Variants in TIAM2 observed in about 807,000 individuals in gnomAD.
The protein encoded by TIAM2 is rho guanine nucleotide exchange factor TIAM2.
A neutral mutation model predicts 152.9 loss-of-function variants in TIAM2; 80 were observed. That is an observed-to-expected ratio of 0.52 (90% CI 0.44 to 0.63). The LOEUF (loss-of-function observed/expected upper bound fraction) is 0.63. Among genes scored for constraint, TIAM2 ranks in the 30% least tolerant of loss-of-function variants. The pLI is 0.00. For synonymous variants in TIAM2, 804 were observed against 838.0 expected, an observed-to-expected ratio of 0.96 and a Z score of 0.70; for missense variants, 1,965 against 2,120.1, an observed-to-expected ratio of 0.93 and a Z score of 1.44.
rs758063403 is a variant in TIAM2, at chr6:155,182,335, G to A, written c.2800+17G>A. ...ATGGGGAAGGTCCGTGTGGCACACC[G>A]TGCCCCTGTTGCCTCTTAATTTGAA... On this transcript the variant is annotated intron_variant, in intron 13 of 26. Transcript: ENST00000682666. 4.8e-5 allele frequency: 77 copies of A among 1,603,958 alleles called. No homozygotes were observed. Among genetic ancestry groups the A allele is most frequent in the Non-Finnish European group, 6.1e-5 (71 of 1,171,184 alleles).
chr6:155,004,964 C>T, intron 1 of TIAM2: 1 of 298,866 alleles, frequency 3.3e-6, no homozygotes, highest in East Asian at 1.0e-4. Flanking sequence ...CTCTCAGCTT[C>T]CCAGGCAGGC....
At chr6:155,018,324 T>C (rs568162848) in intron 1 of TIAM2, among the ~76,000 whole-genome samples, 142 of 152,208 alleles carry the variant, frequency 9.3e-4, no homozygotes, top group African/African-American at 3.3e-3. Flanking sequence ...CTTATTTTTT[T>C]CAATATGGTC....
intron 1 of TIAM2, among the ~76,000 whole-genome samples, chr6:155,057,017 CTTTTTTTTTTTTTT>C (rs71023612): frequency 1.0e-3 from 46 of 43,872 alleles, no homozygotes; most frequent in African/African-American, 3.3e-3. Flanking sequence ...AGTTTTCTTT[CTTTTTTTTTTTTTT>C]TTTTTTTTTT....
chr6:155,020,902 C>T (rs767095207), intron 1 of TIAM2, among the ~76,000 whole-genome samples: 45 of 152,174 alleles, frequency 3.0e-4, no homozygotes, highest in Non-Finnish European at 1.0e-4. Flanking sequence ...ATTTCTTCTT[C>T]CTCCACCCTG....
Position 155,174,034 on chromosome 6 carries a change from C to T in TIAM2, c.2362-2782C>T, listed in dbSNP as rs1395524141. 6.6e-6 allele frequency among the ~76,000 whole-genome samples: 1 copy of T among 152,156 alleles called. No homozygotes were observed. The highest frequency in any genetic ancestry group is 1.5e-5 in the Non-Finnish European group (1 of 68,036). On this transcript the variant is annotated intron_variant, in intron 9 of 26. Transcript: ENST00000682666. The surrounding 1 kb of genome is among the most constrained non-coding windows in gnomAD (Gnocchi z 4.2). The stretch of plus-strand genomic sequence containing the variant: ...GGAATGTTCCCTGAGCCATTCTGTT[C>T]AATGGGAACATGGTGTGTGGCTTAG...
intron 2 of TIAM2, among the ~76,000 whole-genome samples, chr6:155,118,171 C>T (rs1442848444): frequency 6.6e-6 from 1 of 152,130 alleles, no homozygotes; most frequent in African/African-American, 2.4e-5. Context: ...TTAGCTTCCC[C>T]TCCCTCAGCC....
chr6:155,193,053 T>C (rs1781248836), intron 14 of TIAM2, among the ~76,000 whole-genome samples: 1 of 152,244 alleles, frequency 6.6e-6, no homozygotes, highest in African/African-American at 2.4e-5. Context: ...TTTGGAAATA[T>C]GGAATCACTA....
At position 155,213,259 on chromosome 6, in the gene TIAM2, T is replaced by C. The variant is rs1200771014; in HGVS notation, c.3168+1952T>C. On this transcript the variant is annotated intron_variant, in intron 15 of 26. Transcript: ENST00000682666. The surrounding 1 kb of genome is among the most constrained non-coding windows in gnomAD (Gnocchi z 4.2). The stretch of plus-strand genomic sequence containing the variant: ...GTGAGCAAGGTGAAGAGGAGCTTTA[T>C]TGAGCTGTAGAACAGCTCAGAGGAA... 6.6e-6 allele frequency among the ~76,000 whole-genome samples: 1 copy of C among 152,192 alleles called. No individual in the cohort carries two copies. The highest frequency in any genetic ancestry group is 6.5e-5 in the Admixed American group (1 of 15,286).
intron 9 of TIAM2, among the ~76,000 whole-genome samples, chr6:155,175,478 C>T (rs1190183608): frequency 1.3e-5 from 2 of 151,458 alleles, no homozygotes; most frequent in African/African-American, 2.4e-5. Flanking sequence ...GTGACATTTT[C>T]TGGTATGTAA....
At chr6:155,247,906 T>C (rs960026240) in intron 19 of TIAM2, 94 bp from the exon 20 acceptor site, 48 of 1,447,024 alleles carry the variant, frequency 3.3e-5, no homozygotes, top group Non-Finnish European at 4.1e-5. Context: ...AGGAGGACTA[T>C]AGAAATAGAT....
At chr6:155,059,186 G>C (rs552282229) in intron 1 of TIAM2, among the ~76,000 whole-genome samples, 1 of 152,080 alleles carries the variant, frequency 6.6e-6, no homozygotes, top group East Asian at 1.9e-4. Context: ...TATTTCCTTA[G>C]TATCCTCCTG....
intron 2 of TIAM2, among the ~76,000 whole-genome samples, chr6:155,126,260 G>A (rs1471750706): frequency 6.6e-6 from 1 of 152,180 alleles, no homozygotes; most frequent in Non-Finnish European, 1.5e-5. Context: ...GCGGTATCTA[G>A]AGTCCTCAAA....
intron 5 of TIAM2, among the ~76,000 whole-genome samples, chr6:155,139,041 C>T (rs1392408398): frequency 1.3e-5 from 2 of 152,178 alleles, no homozygotes; most frequent in Non-Finnish European, 2.9e-5. Context: ...CTGCACAGCC[C>T]CCTGGGACTC....
At chr6:155,211,112 T>G in intron 14 of TIAM2, 92 bp from the exon 15 acceptor site, 4 of 1,159,636 alleles carry the variant, frequency 3.4e-6, no homozygotes, top group Non-Finnish European at 4.9e-6. Context: ...GTTGTTTTCT[T>G]CTTTCCTTTC....
intron 1 of TIAM2, among the ~76,000 whole-genome samples, chr6:155,002,378 T>C (rs1778327773): frequency 6.6e-6 from 1 of 152,220 alleles, no homozygotes; most frequent in South Asian, 2.1e-4. Context: ...GCCACTGTAC[T>C]CCAGCCTGGG....
chr6:155,044,358 T>C (rs559647655), intron 1 of TIAM2, among the ~76,000 whole-genome samples: 1 of 152,312 alleles, frequency 6.6e-6, no homozygotes, highest in East Asian at 1.9e-4. Context: ...TGCAGAGTCC[T>C]TTTGGGTGTA....
At chr6:155,159,804 A>G (rs1357131906) in intron 7 of TIAM2, among the ~76,000 whole-genome samples, 1 of 152,202 alleles carries the variant, frequency 6.6e-6, no homozygotes, top group Non-Finnish European at 1.5e-5. Flanking sequence ...ACAGATCTTC[A>G]TTTAAGCTCT....
intron 15 of TIAM2, among the ~76,000 whole-genome samples, chr6:155,224,666 C>T (rs1427862858): frequency 1.3e-5 from 2 of 152,228 alleles, no homozygotes; most frequent in African/African-American, 4.8e-5. Context: ...TTCCACACCC[C>T]GACTGTGTTT....
intron 1 of TIAM2, among the ~76,000 whole-genome samples, chr6:155,018,513 G>C (rs1778638721): frequency 6.6e-6 from 1 of 151,274 alleles, no homozygotes; most frequent in African/African-American, 2.4e-5. Context: ...CAGCTACTCA[G>C]GAGGCTGAGG....
Sources: gnomAD v4.1 joint callset for allele counts (sites outside exome capture counted in the v4.1 genomes callset) on GRCh38, gnomAD v4.1.1 for gene constraint, Gnocchi (gnomAD v3.1) non-coding constraint, MANE v1.5 for transcripts, NCBI Gene and HGNC (gene_info 2026-07-23, HGNC 2026-07-21) for gene names.